Variants in NUP93 observed in about 807,000 individuals in gnomAD.
NUP93 encodes nuclear pore complex protein Nup93.
NUP93 carries 55 observed loss-of-function variants against 107.8 expected under a neutral mutation model. The ratio of observed to expected loss-of-function variants is 0.51; its 90% CI spans 0.41 to 0.64. NUP93 has a LOEUF of 0.64. NUP93 is among the 30% of genes least tolerant of loss of function. The pLI is 0.00. For missense variants in NUP93, 937 were observed against 1,044.7 expected (o/e 0.90, Z 1.42); for synonymous variants, 390 against 397.5 (o/e 0.98, Z 0.22).
At chr16:56,731,278 C>G (rs569463443) in intron 1 of NUP93, among the ~76,000 whole-genome samples, 1 of 152,174 alleles carries the variant, frequency 6.6e-6, no homozygotes, top group Non-Finnish European at 1.5e-5. Context: ...TAGCAAGCTC[C>G]CCTTCATTAC....
intron 1 of NUP93, among the ~76,000 whole-genome samples, chr16:56,740,132 C>CCA (rs1961697293): frequency 7.6e-6 from 1 of 131,432 alleles, no homozygotes. Context: ...GGCTGACCCC[C>CCA]CCACCTCCCT....
At chr16:56,751,154 CTG>C (rs1276784958) in intron 2 of NUP93, among the ~76,000 whole-genome samples, 2 of 152,058 alleles carry the variant, frequency 1.3e-5, no homozygotes, top group African/African-American at 2.4e-5. Context: ...TCCATTCAAA[CTG>C]AAATCAGGCA....
At chr16:56,832,930 T>G (rs1256293818) in intron 12 of NUP93, among the ~76,000 whole-genome samples, 1 of 152,236 alleles carries the variant, frequency 6.6e-6, no homozygotes, top group Non-Finnish European at 1.5e-5. Context: ...TTTAAGGTCC[T>G]TAGCTCTGTT....
intron 19 of NUP93, 47 bp downstream of exon 19, chr16:56,839,116 C>T (rs747065044): frequency 1.8e-5 from 23 of 1,311,330 alleles, no homozygotes; most frequent in South Asian, 1.7e-4. Flanking sequence ...TGTACACCCT[C>T]GAAAATTCAA....
intron 3 of NUP93, among the ~76,000 whole-genome samples, chr16:56,761,444 A>G (rs1298803839): frequency 2.0e-5 from 3 of 152,306 alleles, no homozygotes; most frequent in African/African-American, 4.8e-5. Context: ...GAAAAGCCAG[A>G]TATACTATTC....
chr16:56,780,910 G>A (rs1272799321), intron 3 of NUP93, among the ~76,000 whole-genome samples: 2 of 152,190 alleles, frequency 1.3e-5, no homozygotes, highest in South Asian at 2.1e-4. Flanking sequence ...TTAATCATCT[G>A]GTGCCTTGGT....
chr16:56,798,555 A>G lies in NUP93; in HGVS notation c.360+17A>G, dbSNP rs1350437179. On this transcript the variant is annotated intron_variant, in intron 4 of 21. Transcript: ENST00000308159. Reference sequence around the variant, plus strand: ...CGGAAGAGGGTAAGAAAATTAACCAAAATGTAGATGTATACAGATGAGGGC... The same window carrying G: ...CGGAAGAGGGTAAGAAAATTAACCAGAATGTAGATGTATACAGATGAGGGC... The G allele has an allele frequency of 1.9e-6, 3 of 1,608,184 alleles. No individual in the cohort carries two copies. The highest frequency in any genetic ancestry group is 1.7e-6 in the Non-Finnish European group (2 of 1,174,588).
intron 21 of NUP93, among the ~76,000 whole-genome samples, chr16:56,843,213 G>T (rs938702617): frequency 6.6e-6 from 1 of 152,224 alleles, no homozygotes; most frequent in East Asian, 1.9e-4. Context: ...GCCAGCGGTG[G>T]GTTCATGGTG....
intron 19 of NUP93, 74 bp from the exon 20 acceptor site, chr16:56,839,447 G>T: frequency 8.2e-7 from 1 of 1,223,526 alleles, no homozygotes; most frequent in South Asian, 1.5e-5. Context: ...TATGTGAGGT[G>T]CTGACTTTAC....
At chr16:56,734,525 G>C (rs1486652266) in intron 1 of NUP93, among the ~76,000 whole-genome samples, 2 of 152,160 alleles carry the variant, frequency 1.3e-5, no homozygotes, top group African/African-American at 4.8e-5. Context: ...GAAGGTTTGA[G>C]CCCCTTTAGA....
chr16:56,781,179 A>C (rs182557926), intron 3 of NUP93, among the ~76,000 whole-genome samples: 3 of 152,342 alleles, frequency 2.0e-5, no homozygotes. Context: ...AAGAAGTGAC[A>C]GTTGAGCTGA....
At chr16:56,772,447 T>C (rs1376295745) in intron 3 of NUP93, among the ~76,000 whole-genome samples, 1 of 152,216 alleles carries the variant, frequency 6.6e-6, no homozygotes, top group Non-Finnish European at 1.5e-5. Context: ...GTAAATGCCA[T>C]ATTATTCTTT....
At chr16:56,779,320 A>G (rs1197350322) in intron 3 of NUP93, among the ~76,000 whole-genome samples, 1 of 152,130 alleles carries the variant, frequency 6.6e-6, no homozygotes, top group Non-Finnish European at 1.5e-5. Context: ...CTAGACTGTA[A>G]TCTCTACATT....
intron 21 of NUP93, among the ~76,000 whole-genome samples, chr16:56,843,784 G>A (rs1008856620): frequency 6.6e-6 from 1 of 152,212 alleles, no homozygotes; most frequent in East Asian, 1.9e-4. Flanking sequence ...CCTTAAGTAA[G>A]CCTAGTAGAT....
chr16:56,766,992 T>C (rs1395047208), intron 3 of NUP93, among the ~76,000 whole-genome samples: 1 of 152,252 alleles, frequency 6.6e-6, no homozygotes, highest in Non-Finnish European at 1.5e-5. Context: ...TCGCTTTCTT[T>C]TAAAGCATCT....
chr16:56,840,975 C>T (rs1298599253), intron 20 of NUP93, among the ~76,000 whole-genome samples: 3 of 143,870 alleles, frequency 2.1e-5, no homozygotes, highest in Non-Finnish European at 4.5e-5. Flanking sequence ...CCAGCCTGGG[C>T]GATAGAGGGA....
At chr16:56,815,899 G>GCTGCTGGTGCTGC in intron 5 of NUP93, among the ~76,000 whole-genome samples, 1 of 96,030 alleles carries the variant, frequency 1.0e-5, no homozygotes, top group South Asian at 4.0e-4. Context: ...GCTGCTGCTG[G>GCTGCTGGTGCTGC]TGCTGCTGCT....
intron 3 of NUP93, among the ~76,000 whole-genome samples, chr16:56,780,668 G>A (rs535132468): frequency 1.3e-5 from 2 of 152,156 alleles, no homozygotes; most frequent in Non-Finnish European, 2.9e-5. Flanking sequence ...AGTAAGAACC[G>A]TCAGTAGTCA....
At chr16:56,807,249 C>A (rs916710072) in intron 5 of NUP93, among the ~76,000 whole-genome samples, 2 of 152,216 alleles carry the variant, frequency 1.3e-5, no homozygotes, top group Non-Finnish European at 2.9e-5. Flanking sequence ...GCTCTTCCCC[C>A]AAAGGACTGC....
Sources: allele counts gnomAD v4.1 joint callset (sites outside exome capture counted in the v4.1 genomes callset), GRCh38; gene constraint gnomAD v4.1.1; transcripts MANE v1.5; gene names NCBI Gene and HGNC (gene_info 2026-07-23, HGNC 2026-07-21).